ADAMTSL1: variants seen among roughly 807,000 people sequenced by gnomAD.
ADAMTSL1 encodes the protein ADAMTS like 1.
In ADAMTSL1, 126 loss-of-function variants were observed where a neutral mutation model predicts 201.8. The ratio of observed to expected loss-of-function variants is 0.62; its 90% CI spans 0.54 to 0.72. The LOEUF (loss-of-function observed/expected upper bound fraction) is 0.72. ADAMTSL1 is among the 30% of genes least tolerant of loss of function. The pLI, the probability that ADAMTSL1 is intolerant of heterozygous loss-of-function variation, is 0.00. For missense variants in ADAMTSL1, 2,679 were observed against 2,277.8 expected, an observed-to-expected ratio of 1.18 and a Z score of -3.59; for synonymous variants, 1,121 against 903.4, an observed-to-expected ratio of 1.24 and a Z score of -4.32.
chr9:18,418,114 G>T (rs1818767354), intron 2 of ADAMTSL1, among the ~76,000 whole-genome samples: 3 of 152,170 alleles, frequency 2.0e-5, no homozygotes, highest in Admixed American at 1.3e-4. Context: ...TAAAATTGAT[G>T]CAGAAAAAGC....
intron 2 of ADAMTSL1, among the ~76,000 whole-genome samples, chr9:18,340,271 C>T (rs1272919487): frequency 6.6e-6 from 1 of 152,150 alleles, no homozygotes; most frequent in Admixed American, 6.6e-5. Context: ...ATGCTGCTTA[C>T]TCTTCTCACT....
intron 2 of ADAMTSL1, among the ~76,000 whole-genome samples, chr9:18,417,367 G>GAAAAAAAAAAAAAAAA (rs80226819): frequency 6.2e-5 from 4 of 64,676 alleles, no homozygotes; most frequent in Non-Finnish European, 9.5e-5. Context: ...AAGTAAGCAG[G>GAAAAAAAAAAAAAAAA]AAAAAAAAAA....
At chr9:18,283,502 AG>A (rs1042541951) in intron 2 of ADAMTSL1, among the ~76,000 whole-genome samples, 4 of 146,914 alleles carry the variant, frequency 2.7e-5, no homozygotes, top group Admixed American at 6.9e-5. Context: ...GCTACTTGGG[AG>A]GCTGTGGCAG....
At chr9:18,773,518 A>G (rs775621372) in intron 17 of ADAMTSL1, among the ~76,000 whole-genome samples, 1 of 152,204 alleles carries the variant, frequency 6.6e-6, no homozygotes, top group Non-Finnish European at 1.5e-5. Context: ...AAATGTTACT[A>G]TGAAGCCAAT....
rs944662432 is a variant in ADAMTSL1 at position 18,128,824 on chromosome 9, A to G, written c.88-35038A>G. On this transcript the variant is annotated intron_variant, in intron 1 of 29. Transcript: ENST00000680146. Reference sequence around the variant, plus strand: ...TTTAGGCTAAAGCACCCTTATAAACATAACCCTTATAAACAATAGCAGAAA... The same window carrying G: ...TTTAGGCTAAAGCACCCTTATAAACGTAACCCTTATAAACAATAGCAGAAA... 5.3e-5 allele frequency among the ~76,000 whole-genome samples: 8 copies of G among 152,294 alleles called. No individual in the cohort carries two copies. In the East Asian group the frequency reaches 1.2e-3, roughly 22 times the overall value.
chr9:18,684,640 G>T, intron 12 of ADAMTSL1, 76 bp from the exon 13 acceptor site: 2 of 1,485,790 alleles, frequency 1.3e-6, no homozygotes, highest in South Asian at 1.4e-5. Flanking sequence ...TCTTGGTGAG[G>T]AGAATAAGGA....
chr9:18,329,379 C>T (rs933317415), intron 2 of ADAMTSL1, among the ~76,000 whole-genome samples: 1 of 152,000 alleles, frequency 6.6e-6, no homozygotes. Context: ...ATTAAGTTCA[C>T]GAAGAGAAAT....
At chr9:18,260,421 C>G (rs2891125) in intron 2 of ADAMTSL1, among the ~76,000 whole-genome samples, 24,474 of 152,240 alleles carry the variant, frequency 0.16, 2,733 homozygotes, top group Admixed American at 0.38. Context: ...ACATGACTGT[C>G]TCGGCTTTCA....
chr9:18,424,567 A>G (rs746142760), intron 2 of ADAMTSL1, among the ~76,000 whole-genome samples: 1 of 152,264 alleles, frequency 6.6e-6, no homozygotes, highest in Non-Finnish European at 1.5e-5. Context: ...CATAAACCCC[A>G]AAGTTAGAAA....
At chr9:18,301,035 C>T (rs2132728511) in intron 2 of ADAMTSL1, among the ~76,000 whole-genome samples, 1 of 152,248 alleles carries the variant, frequency 6.6e-6, no homozygotes, top group South Asian at 2.1e-4. Context: ...AATTGAGTCA[C>T]TACTTAACTC....
intron 2 of ADAMTSL1, among the ~76,000 whole-genome samples, chr9:18,442,750 C>T (rs9407912): frequency 0.4 from 61,029 of 152,004 alleles, 12,863 homozygotes; most frequent in Non-Finnish European, 0.45. Flanking sequence ...TTTAAGAAGA[C>T]GGAGCTCCTG....
chr9:18,715,846 G>T (rs1032018223), intron 14 of ADAMTSL1, among the ~76,000 whole-genome samples: 5 of 151,852 alleles, frequency 3.3e-5, no homozygotes, highest in Non-Finnish European at 5.9e-5. Context: ...ATACTACAAG[G>T]CTACAGTAAC....
chr9:18,662,047 G>A lies in ADAMTSL1; in HGVS notation c.1059G>A (p.Glu353=). Reference sequence around the variant, plus strand: ...TCAAACCCAAACCCAAGCTTCAGGAGTGCAACTTGGATCCTTGTCCAGCCA... The same window carrying A: ...TCAAACCCAAACCCAAGCTTCAGGAATGCAACTTGGATCCTTGTCCAGCCA... ...ENIKPKPKLQ[E]CNLDPCPASD... is the part of the protein sequence containing the mutation. The change falls in exon 9 of 29, where the codon GAG becomes GAA. Residue 353 remains glutamate (E), a synonymous_variant. Transcript: ENST00000380548. The A allele has an allele frequency of 6.2e-7, 1 of 1,613,906 alleles. No individual in the cohort carries two copies. The highest frequency in any genetic ancestry group is 8.5e-7 in the Non-Finnish European group (1 of 1,179,888).
chr9:18,892,620 T>C (rs1349223484), intron 26 of ADAMTSL1, 24 bp downstream of exon 26: 2 of 1,549,000 alleles, frequency 1.3e-6, no homozygotes, highest in East Asian at 2.4e-5. Context: ...GAGGTTGTTA[T>C]TTGAAAGCTA....
chr9:18,884,658 C>G (rs924099947), intron 23 of ADAMTSL1, among the ~76,000 whole-genome samples: 1 of 152,132 alleles, frequency 6.6e-6, no homozygotes, highest in African/African-American at 2.4e-5. Context: ...CAAGACTGTC[C>G]TTTCCCCATT....
At chr9:18,367,374 GA>G (rs1264417300) in intron 2 of ADAMTSL1, among the ~76,000 whole-genome samples, 1 of 120,574 alleles carries the variant, frequency 8.3e-6, no homozygotes, top group Non-Finnish European at 1.9e-5. Flanking sequence ...CAGAAGATAA[GA>G]TTTTTTTTTT....
At chr9:18,427,947 A>G (rs1819300357) in intron 2 of ADAMTSL1, among the ~76,000 whole-genome samples, 1 of 152,172 alleles carries the variant, frequency 6.6e-6, no homozygotes, top group South Asian at 2.1e-4. Context: ...TTCTGTGCCT[A>G]GTCCAGATCT....
At chr9:18,869,684 T>C (rs1827767768) in intron 23 of ADAMTSL1, among the ~76,000 whole-genome samples, 1 of 152,210 alleles carries the variant, frequency 6.6e-6, no homozygotes, top group Admixed American at 6.5e-5. Context: ...AGGTCAACCA[T>C]CATTCACATC....
At chr9:18,692,408 A>T (rs1352948472) in intron 13 of ADAMTSL1, among the ~76,000 whole-genome samples, 2 of 152,194 alleles carry the variant, frequency 1.3e-5, no homozygotes, top group African/African-American at 2.4e-5. Context: ...TAAATTTATC[A>T]GTCCCTCCCT....
Sources: gnomAD v4.1 joint callset for allele counts (sites outside exome capture counted in the v4.1 genomes callset) on GRCh38, gnomAD v4.1.1 for gene constraint, MANE v1.5 for transcripts, NCBI Gene and HGNC (gene_info 2026-07-23, HGNC 2026-07-21) for gene names.